The following SPTBN4 variants were observed in gnomAD, a reference collection of about 807,000 sequenced individuals.
SPTBN4 encodes the protein spectrin beta chain, non-erythrocytic 4.
SPTBN4 carries 96 observed loss-of-function variants against 277.8 expected under a neutral mutation model. That is an observed-to-expected ratio of 0.35 (90% confidence interval 0.29 to 0.41). The LOEUF (loss-of-function observed/expected upper bound fraction) is 0.41, where lower values mean the gene tolerates loss of function less well. Among genes scored for constraint, SPTBN4 ranks in the 10% least tolerant of loss-of-function variants. The pLI is 1.00. For synonymous variants in SPTBN4, 1,481 were observed against 1,580.3 expected (o/e 0.94, Z 1.49); for missense variants, 3,006 against 3,595.7 (o/e 0.84, Z 4.19).
chr19:40,558,268 A>T (rs946663850), intron 26 of SPTBN4, among the ~76,000 whole-genome samples: 13 of 151,846 alleles, frequency 8.6e-5, no homozygotes, highest in African/African-American at 3.1e-4. Flanking sequence ...GAGGCAGGAG[A>T]ATCGCTTGAA....
At chr19:40,522,210 T>G (rs1357391416) in intron 16 of SPTBN4, among the ~76,000 whole-genome samples, 2 of 151,864 alleles carry the variant, frequency 1.3e-5, no homozygotes, top group African/African-American at 4.8e-5. Flanking sequence ...GTATTTTTAG[T>G]AGAGATGGGA....
intron 12 of SPTBN4, among the ~76,000 whole-genome samples, chr19:40,504,672 AAAAAAAAC>A (rs2080304641): frequency 6.6e-6 from 1 of 150,524 alleles, no homozygotes; most frequent in Non-Finnish European, 1.5e-5. Flanking sequence ...CCGTCTCAAA[AAAAAAAAC>A]AAAAAAAACA....
intron 27 of SPTBN4, among the ~76,000 whole-genome samples, chr19:40,564,845 A>AG (rs1265132787): frequency 1.9e-4 from 29 of 152,126 alleles, no homozygotes; most frequent in Admixed American, 1.8e-3. Context: ...AAAAAAAAAA[A>AG]AAAGGAAAAT....
chr19:40,557,442 T>G, intron 26 of SPTBN4, 39 bp downstream of exon 26: 1 of 1,515,136 alleles, frequency 6.6e-7, no homozygotes. Context: ...TGGGAGGGCC[T>G]GGACAGCTGT....
In SPTBN4 at chr19:40,472,768, C is replaced by T. The variant is rs961672018; in HGVS notation, c.147C>T (p.Cys49=). 1 of 1,585,956 alleles carries T rather than the reference C, an allele frequency of 6.3e-7. No homozygotes were observed. Among genetic ancestry groups the T allele is most frequent in the Non-Finnish European group, 8.6e-7 (1 of 1,164,472 alleles). ...ASTAAASLFE[C]SRIKALADER... The stretch of plus-strand genomic sequence containing the variant: ...CCGCAGCGGCCTCGCTCTTTGAGTG[C>T]TCCCGGATCAAGGCCTTGGCAGGTA... Residue 49 remains cysteine, a synonymous_variant, in exon 2 of 36, where the codon TGC becomes TGT. Coordinates refer to ENST00000598249, the MANE Select transcript of SPTBN4 (RefSeq NM_020971.3).
rs771969260 is a variant in SPTBN4 at position 40,502,469 on chromosome 19, G to C, written c.1165G>C (p.Val389Leu). 43 of 1,613,478 alleles carry C rather than the reference G, an allele frequency of 2.7e-5. No homozygotes were observed. Among genetic ancestry groups the C allele is most frequent in the Middle Eastern group, 1.6e-4 (1 of 6,084 alleles). Residue 389 changes from valine (V) to leucine (L), a missense_variant, in exon 10 of 36, where the codon GTG (valine) becomes CTG (leucine). Physicochemically the swap from Val to Leu is conservative, Grantham distance 32. Transcript: ENST00000598249. This position sits in a 1 kb window ranked among gnomAD's most constrained non-coding sequence, Gnocchi z 4.9. ...KLRACNRRLFVPREGCGIWDI... is the reference protein window; with the variant it reads ...KLRACNRRLFLPREGCGIWDI... ...GCGTGCCTGCAACCGTCGCCTCTTT[G>C]TGCCTCGGGAGGGCTGTGGCATCTG...
Position 40,554,139 on chromosome 19 carries a change from G to GC in SPTBN4, c.4675-3dup. ...CTCCACCCACATCCCCTTACCTCCT[G>GC]CCCCCAGGGCCTGCGGCGGGAGATC... On this transcript the variant is annotated splice_region_variant and splice_polypyrimidine_tract_variant and intron_variant, in intron 22 of 35. Transcript: ENST00000598249. This position sits in a 1 kb window ranked among gnomAD's most constrained non-coding sequence, Gnocchi z 5.7. 1 of 1,437,556 alleles carries GC rather than the reference G, an allele frequency of 7.0e-7. No individual in the cohort carries two copies. 89.1% of individuals were successfully genotyped at this position (1,437,556 alleles called of 1,614,324 possible).
chr19:40,559,220 G>T (rs972157420), intron 26 of SPTBN4, among the ~76,000 whole-genome samples: 1 of 151,488 alleles, frequency 6.6e-6, no homozygotes, highest in Non-Finnish European at 1.5e-5. Context: ...ATGAGCCACC[G>T]CGCCCAGCCC....
chr19:40,527,781 G>A lies in SPTBN4; in HGVS notation c.3858-1260G>A, dbSNP rs543495120. ...GTCAGAAAGGCCTCTGAGATTGGCC[G>A]AGTGCAGGAGCTCACTCCCATCCCA... On this transcript the variant is annotated intron_variant, in intron 17 of 35. Coordinates refer to ENST00000598249, the MANE Select transcript of SPTBN4 (RefSeq NM_020971.3). Among the ~76,000 whole-genome samples, 34 of 152,300 alleles carry A rather than the reference G, an allele frequency of 2.2e-4. 1 individual carries two copies. The highest frequency in any genetic ancestry group is 2.0e-4 in the Admixed American group (3 of 15,300).
Position 40,560,349 on chromosome 19 carries a change from T to A in SPTBN4, c.5861T>A (p.Leu1954Gln). 6.2e-7 allele frequency: 1 copy of A among 1,614,122 alleles called. No individual in the cohort carries two copies. ...ALRFHSQVRD[L>Q]LSWMDGIASQ... ...CGCTTCCACAGCCAAGTCCGCGACC[T>A]GCTCTCCTGGATGGATGGCATCGCC... The change falls in exon 27 of 36, where the codon CTG becomes CAG. Residue 1954 changes from leucine (L) to glutamine (Q), a missense_variant. Around this residue, in one of 5 missense-constraint regions of SPTBN4, gnomAD observed 425 missense variants for 594.7 expected, o/e 0.71. Transcript: ENST00000598249. This position sits in a 1 kb window ranked among gnomAD's most constrained non-coding sequence, Gnocchi z 5.2.
chr19:40,536,152 C>G (rs925980471), intron 20 of SPTBN4, among the ~76,000 whole-genome samples: 2 of 151,872 alleles, frequency 1.3e-5, no homozygotes, highest in Non-Finnish European at 2.9e-5. Flanking sequence ...GGGGTCAGTT[C>G]GTTCTTTTTC....
chr19:40,519,317 C>T lies in SPTBN4; in HGVS notation c.2904-84C>T. The T allele has an allele frequency of 2.2e-6, 3 of 1,361,328 alleles. No homozygotes were observed. 84.3% of individuals were successfully genotyped at this position (1,361,328 alleles called of 1,614,324 possible). A position where few individuals can be genotyped will look rare whatever the true frequency, so the allele number is the denominator to read the frequency against. On this transcript the variant is annotated intron_variant, in intron 15 of 35. Coordinates refer to ENST00000598249, the MANE Select transcript of SPTBN4 (RefSeq NM_020971.3). The surrounding 1 kb of genome is among the most constrained non-coding windows in gnomAD (Gnocchi z 5.7). The stretch of plus-strand genomic sequence containing the variant: ...CACACAGTGGCTGGGTGGCTTGGGC[C>T]TGGATTCTACCCTGGGTCGGCGGGC...
chr19:40,493,125 A>G, intron 5 of SPTBN4, 71 bp downstream of exon 5: 1 of 1,463,082 alleles, frequency 6.8e-7, no homozygotes, highest in South Asian at 1.1e-5. Flanking sequence ...TCCTTCCCAG[A>G]CAAGAGCTCA....
At chr19:40,489,424 C>T (rs1400053843) in intron 3 of SPTBN4, among the ~76,000 whole-genome samples, 2 of 151,858 alleles carry the variant, frequency 1.3e-5, no homozygotes, top group African/African-American at 4.8e-5. Context: ...CTCGCTCCCT[C>T]ACCCAGGCTG....
At chr19:40,524,640 G>A in intron 17 of SPTBN4, 1 of 455,954 alleles carries the variant, frequency 2.2e-6, no homozygotes, top group Non-Finnish European at 4.4e-6. Context: ...GTGTGTTCCA[G>A]CTTTCCAGAT....
In SPTBN4 at chr19:40,560,537, A is replaced by G. The variant is rs1034100646; in HGVS notation, c.5915+134A>G. 2 of 1,563,060 alleles carry G rather than the reference A, an allele frequency of 1.3e-6. No homozygotes were observed. The highest frequency in any genetic ancestry group is 1.7e-6 in the Non-Finnish European group (2 of 1,154,818). ...TGTGTGGCGCCTCTGTGTGCTAGGC[A>G]CTGTTCTAGGTGCTTCGTGTGTATT... On this transcript the variant is annotated intron_variant, in intron 27 of 35. Coordinates refer to ENST00000598249, the MANE Select transcript of SPTBN4 (RefSeq NM_020971.3). The surrounding 1 kb of genome is among the most constrained non-coding windows in gnomAD (Gnocchi z 5.2).
In SPTBN4 at chr19:40,534,106, G is replaced by A. The variant is rs2080708266; in HGVS notation, c.4122G>A (p.Lys1374=). The change falls in exon 20 of 36, where the codon AAG becomes AAA. Residue 1374 remains lysine (K), a synonymous_variant. Coordinates refer to ENST00000598249, the MANE Select transcript of SPTBN4 (RefSeq NM_020971.3). ...EREGQQLMQE[K]PELAASVRKK... ...AGGGCCAGCAACTGATGCAGGAGAA[G>A]CCCGAACTGGCGGCCTCCGTGCGGA... 1 of 1,607,652 alleles carries A rather than the reference G, an allele frequency of 6.2e-7. No homozygotes were observed. The highest frequency in any genetic ancestry group is 8.5e-7 in the Non-Finnish European group (1 of 1,175,240).
chr19:40,548,597 C>T (rs1263062149), intron 20 of SPTBN4, among the ~76,000 whole-genome samples: 1 of 151,998 alleles, frequency 6.6e-6, no homozygotes, highest in Non-Finnish European at 1.5e-5. Flanking sequence ...TGCCTGTAAT[C>T]CCAGCTACTC....
chr19:40,472,806 C>T lies in SPTBN4; in HGVS notation c.169+16C>T. The stretch of plus-strand genomic sequence containing the variant: ...GCCTTGGCAGGTACCTGGAGGAGGG[C>T]TGGGGTGGGATGAGGAGGAGGGGGA... On this transcript the variant is annotated intron_variant, in intron 2 of 35. Coordinates refer to ENST00000598249, the MANE Select transcript of SPTBN4 (RefSeq NM_020971.3). 1 of 1,176,970 alleles carries T rather than the reference C, an allele frequency of 8.5e-7. No individual in the cohort carries two copies. Among genetic ancestry groups the T allele is most frequent in the South Asian group, 1.5e-5 (1 of 66,284 alleles). The allele number at this position is 1,176,970 out of a possible 1,614,324, so 72.9% of individuals were successfully genotyped here.
Sources: allele counts gnomAD v4.1 joint callset (sites outside exome capture counted in the v4.1 genomes callset), GRCh38; gene constraint gnomAD v4.1.1; regional missense constraint gnomAD v4.1.1; non-coding constraint Gnocchi (gnomAD v3.1); transcripts MANE v1.5; gene names NCBI Gene and HGNC (gene_info 2026-07-23, HGNC 2026-07-21).